Variants in HDX observed in about 807,000 individuals in gnomAD.
HDX encodes chromosome X open reading frame 43.
HDX carries 19 observed loss-of-function variants against 45.2 expected under a neutral mutation model. That is an observed-to-expected ratio of 0.42 (90% CI 0.29 to 0.62). HDX has a LOEUF of 0.62. Among genes scored for constraint, HDX ranks in the 20% least tolerant of loss-of-function variants. The probability of loss-of-function intolerance (pLI) is 0.20; values close to 1 mark genes in which losing one functional copy is unlikely to be tolerated. For synonymous variants in HDX, 188 were observed against 172.8 expected (o/e 1.09, Z -0.69); for missense variants, 532 against 493.9 (o/e 1.08, Z -0.73).
rs1349092660 is a variant in HDX, at chrX:84,319,571, C to T, written c.*2318G>A. The stretch of plus-strand genomic sequence containing the variant: ...GAAGAAAAATATTCTGGTGCTGAAA[C>T]ACAAATTTCAAGACAAAAGGAGTTC... On this transcript the variant is annotated 3_prime_UTR_variant, in exon 11 of 11. Transcript: ENST00000373177. 1 of 110,775 alleles carries T rather than the reference C, an allele frequency of 9.0e-6. No individual in the cohort carries two copies. Among genetic ancestry groups the T allele is most frequent in the African/African-American group, 3.3e-5 (1 of 30,672 alleles). 9.1% of individuals were successfully genotyped at this position (110,775 alleles called of 1,213,427 possible). A position where few individuals can be genotyped will look rare whatever the true frequency, so the allele number is the denominator to read the frequency against.
At chrX:84,374,319 AAATGGCCATACTGCCC>A (rs1465263618) in intron 5 of HDX, among the ~76,000 whole-genome samples, 2 of 109,078 alleles carry the variant, frequency 1.8e-5, no homozygotes, top group Admixed American at 9.9e-5. Context: ...AATATCGTGA[AAATGGCCATACTGCCC>A]AAGGTAATTT....
chrX:84,502,248 AC>A, intron 1 of HDX, 93 bp downstream of exon 1: 1 of 105,434 alleles, frequency 9.5e-6, no homozygotes, highest in Non-Finnish European at 2.0e-5. Context: ...GGACCCCCCC[AC>A]CCCCAACCTC....
At chrX:84,341,510 A>C (rs1340900192) in intron 7 of HDX, among the ~76,000 whole-genome samples, 1 of 110,135 alleles carries the variant, frequency 9.1e-6, no homozygotes, top group Non-Finnish European at 1.9e-5. Flanking sequence ...GGCCCTCTTA[A>C]TACTAGTAGC....
intron 5 of HDX, among the ~76,000 whole-genome samples, chrX:84,368,590 T>C (rs1436756948): frequency 1.8e-5 from 2 of 112,155 alleles, no homozygotes; most frequent in Non-Finnish European, 3.8e-5. Context: ...TGTGGTAAAA[T>C]ATACATAACA....
chrX:84,322,852 T>A (rs191209809), intron 10 of HDX, among the ~76,000 whole-genome samples: 101 of 111,368 alleles, frequency 9.1e-4, no homozygotes, highest in African/African-American at 3.3e-3. Flanking sequence ...CTGCTTCCAA[T>A]ACTAAGAATA....
intron 4 of HDX, among the ~76,000 whole-genome samples, chrX:84,457,119 T>G (rs1159664303): frequency 1.8e-5 from 2 of 111,964 alleles, no homozygotes; most frequent in Non-Finnish European, 3.8e-5. Flanking sequence ...AGACCACATG[T>G]TAGGCCACAA....
chrX:84,343,924 C>T (rs1424724050), intron 7 of HDX, among the ~76,000 whole-genome samples: 6 of 110,879 alleles, frequency 5.4e-5, no homozygotes, highest in Non-Finnish European at 7.6e-5. Flanking sequence ...ATGCCATACT[C>T]TTTCATTACA....
In HDX at chrX:84,468,977, G is replaced by T; in HGVS notation, c.746C>A (p.Thr249Asn). 8.3e-7 allele frequency: 1 copy of T among 1,211,648 alleles called. No homozygotes were observed. The highest frequency in any genetic ancestry group is 1.1e-6 in the Non-Finnish European group (1 of 895,477). ...ALHNLCGQKP[T>N]IRDPYCRTQN... is the part of the protein sequence containing the mutation. ...TGTTCTACAGTAAGGGTCTCTAATA[G>T]TTGGCTTTTGCCCACATAAGTTATG... The change falls in exon 4 of 11, where the codon ACT (threonine) becomes AAT (asparagine). Residue 249 changes from threonine to asparagine, a missense_variant. By Grantham distance (65) the Thr-to-Asn change is moderately conservative (BLOSUM62 0). Around this residue, in one of 3 missense-constraint regions of HDX, gnomAD observed 376 missense variants for 343.7 expected, o/e 1.09. Transcript: ENST00000373177.
intron 1 of HDX, among the ~76,000 whole-genome samples, chrX:84,490,893 G>A (rs12559803): frequency 0.013 from 1,468 of 110,123 alleles, 13 homozygotes; most frequent in African/African-American, 0.039. Flanking sequence ...TTGTTTCCGT[G>A]AGATATATCC....
intron 2 of HDX, among the ~76,000 whole-genome samples, chrX:84,483,183 G>T (rs746806573): frequency 9.0e-5 from 10 of 111,352 alleles, no homozygotes; most frequent in African/African-American, 2.9e-4. Flanking sequence ...CAAGCTGTCG[G>T]TGGATCTATC....
chrX:84,331,912 G>T (rs925645416), intron 9 of HDX, among the ~76,000 whole-genome samples: 1 of 111,349 alleles, frequency 9.0e-6, no homozygotes, highest in Non-Finnish European at 1.9e-5. Context: ...ATGATGTTTT[G>T]CACAATGACA....
At chrX:84,333,693 G>A (rs1049383667) in intron 9 of HDX, 66 bp downstream of exon 9, 1 of 468,565 alleles carries the variant, frequency 2.1e-6, no homozygotes. Context: ...GAGTAATATA[G>A]GTATTGTAAA....
At chrX:84,481,562 G>A (rs1292412253) in intron 2 of HDX, among the ~76,000 whole-genome samples, 2 of 110,946 alleles carry the variant, frequency 1.8e-5, no homozygotes, top group Non-Finnish European at 3.8e-5. Flanking sequence ...TATTAACCTC[G>A]TTTTCTGCCT....
intron 6 of HDX, among the ~76,000 whole-genome samples, chrX:84,358,781 T>G (rs903937882): frequency 8.9e-6 from 1 of 111,983 alleles, no homozygotes; most frequent in African/African-American, 3.2e-5. Context: ...TGGCTGCACT[T>G]GAACTCTTGG....
At chrX:84,480,133 T>C (rs2341576) in intron 2 of HDX, among the ~76,000 whole-genome samples, 11,129 of 111,289 alleles carry the variant, frequency 0.1, 534 homozygotes, top group South Asian at 0.29. Flanking sequence ...TTGTAAATTG[T>C]ATTTTTTAAC....
chrX:84,375,503 C>T (rs1319726626), intron 5 of HDX, among the ~76,000 whole-genome samples: 1 of 111,824 alleles, frequency 8.9e-6, no homozygotes, highest in Non-Finnish European at 1.9e-5. Flanking sequence ...CCCAAATGTC[C>T]AAAACGATAG....
chrX:84,345,904 C>T (rs1246763508), intron 6 of HDX, among the ~76,000 whole-genome samples: 1 of 111,177 alleles, frequency 9.0e-6, no homozygotes, highest in Non-Finnish European at 1.9e-5. Context: ...TTTATCATCC[C>T]TATATTTGCC....
At chrX:84,488,324 A>AACACACACACAC (rs200905875) in intron 1 of HDX, among the ~76,000 whole-genome samples, 192 bp from the exon 2 acceptor site, 7 of 94,876 alleles carry the variant, frequency 7.4e-5, no homozygotes, top group East Asian at 6.9e-4. Flanking sequence ...TAAAATCTAA[A>AACACACACACAC]ACACACACAC....
intron 5 of HDX, among the ~76,000 whole-genome samples, chrX:84,432,476 T>C (rs939023505): frequency 1.8e-5 from 2 of 111,850 alleles, no homozygotes; most frequent in African/African-American, 6.5e-5. Context: ...TAGAATGTTT[T>C]TCCATTTATT....
Sources: allele counts gnomAD v4.1 joint callset (sites outside exome capture counted in the v4.1 genomes callset), GRCh38; gene constraint gnomAD v4.1.1; regional missense constraint gnomAD v4.1.1; transcripts MANE v1.5; gene names NCBI Gene and HGNC (gene_info 2026-07-23, HGNC 2026-07-21).